The following CELF1 variants were observed in gnomAD, a reference collection of about 807,000 sequenced individuals.
CELF1 encodes CUGBP Elav-like family member 1.
A neutral mutation model predicts 61.8 loss-of-function variants in CELF1; 10 were observed. The observed-to-expected ratio is 0.16, with a 90% CI of 0.10 to 0.27. CELF1 has a LOEUF of 0.27. Among genes scored for constraint, CELF1 ranks in the 10% least tolerant of loss-of-function variants. The pLI is 1.00. For missense variants in CELF1, 380 were observed against 639.1 expected (o/e 0.59, Z 4.37); for synonymous variants, 236 against 225.1 (o/e 1.05, Z -0.43).
intron 1 of CELF1, among the ~76,000 whole-genome samples, chr11:47,514,602 T>C (rs538586118): frequency 7.6e-5 from 11 of 145,018 alleles, no homozygotes; most frequent in Non-Finnish European, 1.5e-4. Flanking sequence ...ATGCCTGTAA[T>C]CCCAGCACTT....
chr11:47,473,677 C>G (rs973571060), intron 13 of CELF1, among the ~76,000 whole-genome samples: 2 of 152,088 alleles, frequency 1.3e-5, no homozygotes, highest in Non-Finnish European at 2.9e-5. Context: ...CAAAGGGGCA[C>G]GAGGGAATTT....
chr11:47,560,731 T>C (rs889472142), intron 2 of CELF1, among the ~76,000 whole-genome samples: 4 of 152,236 alleles, frequency 2.6e-5, no homozygotes, highest in Admixed American at 2.6e-4. Flanking sequence ...ATATGCATTA[T>C]ACCTCAATAA....
chr11:47,472,051 G>A lies in CELF1; in HGVS notation c.*179C>T, dbSNP rs1220151799. On this transcript the variant is annotated 3_prime_UTR_variant, in exon 15 of 15. Transcript: ENST00000687097. ...CAAAGCACAAACTTGTCCTCTGTAC[G>A]AAGCGAAACTCCCACAGAAGGCAGT... 5.9e-6 allele frequency: 4 copies of A among 678,524 alleles called. No individual in the cohort carries two copies. Among genetic ancestry groups the A allele is most frequent in the South Asian group, 4.4e-5 (2 of 45,968 alleles). 42.0% of individuals were successfully genotyped at this position (678,524 alleles called of 1,614,324 possible).
At chr11:47,483,375 T>C in intron 8 of CELF1, 78 bp downstream of exon 8, 2 of 1,095,866 alleles carry the variant, frequency 1.8e-6, no homozygotes, top group South Asian at 1.3e-5. Flanking sequence ...ATGCTGCACA[T>C]GCTGCTGGAC....
intron 1 of CELF1, among the ~76,000 whole-genome samples, chr11:47,520,466 T>C (rs981357501): frequency 6.6e-6 from 1 of 152,202 alleles, no homozygotes; most frequent in African/African-American, 2.4e-5. Flanking sequence ...TACCTTCCCA[T>C]GCTCCCCTTG....
In CELF1 at chr11:47,505,084, CT is replaced by C. The variant is rs1369454826; in HGVS notation, c.-153-4153del. The stretch of plus-strand genomic sequence containing the variant: ...ACGAAAAAGTTTTCCATTTCCTCCC[CT>C]ATCCTTAATCACAGAAAGACTCTGT... On this transcript the variant is annotated intron_variant, in intron 1 of 14. Transcript: ENST00000687097. Among the ~76,000 whole-genome samples, 3 of 151,024 alleles carry C rather than the reference CT, an allele frequency of 2.0e-5. 1 individual carries two copies. Among genetic ancestry groups the C allele is most frequent in the Non-Finnish European group, 4.4e-5 (3 of 67,518 alleles).
intron 2 of CELF1, among the ~76,000 whole-genome samples, chr11:47,561,443 A>AG (rs1352618544): frequency 1.5e-4 from 1 of 6,526 alleles, no homozygotes; most frequent in Non-Finnish European, 1.5e-3. Flanking sequence ...ACTCCGTCTC[A>AG]AAAAAAAAAA....
Position 47,468,856 on chromosome 11 carries a change from A to G in CELF1, c.*3374T>C, listed in dbSNP as rs2077094528. On this transcript the variant is annotated 3_prime_UTR_variant, in exon 15 of 15. Transcript: ENST00000687097. ...ACGATGTACTTGACGCCACATCGAC[A>G]TGCTTTAGGCACAACGATGAACAAA... The G allele has an allele frequency of 6.6e-6, 1 of 152,588 alleles. No homozygotes were observed. Among genetic ancestry groups the G allele is most frequent in the African/African-American group, 2.4e-5 (1 of 41,432 alleles). 9.5% of individuals were successfully genotyped at this position (152,588 alleles called of 1,614,324 possible).
rs575641108 is a variant in CELF1 at position 47,553,102 on chromosome 11, C to CGCCGCT, written c.-270_-265dup. 3.6e-3 allele frequency: 1,452 copies of CGCCGCT among 398,620 alleles called. 2 individuals are homozygous for CGCCGCT. The highest frequency in any genetic ancestry group is 8.2e-3 in the Middle Eastern group (13 of 1,592). 24.7% of individuals were successfully genotyped at this position (398,620 alleles called of 1,614,324 possible). On this transcript the variant is annotated 5_prime_UTR_variant, in exon 1 of 15. Transcript: ENST00000687097. The stretch of plus-strand genomic sequence containing the variant: ...TCCCGGGGGAGCCTCCGCGTCCCGC[C>CGCCGCT]GCCGCTGCCGCTGCCGCCAGAGCAG...
intron 1 of CELF1, among the ~76,000 whole-genome samples, chr11:47,506,532 T>C (rs777943046): frequency 2.0e-5 from 3 of 152,202 alleles, no homozygotes; most frequent in Non-Finnish European, 2.9e-5. Flanking sequence ...AGGCTGCGGG[T>C]TGGACAAGTC....
intron 2 of CELF1, among the ~76,000 whole-genome samples, chr11:47,500,268 C>G: frequency 6.6e-6 from 1 of 151,754 alleles, no homozygotes; most frequent in South Asian, 2.1e-4. Flanking sequence ...GATGTGCTAT[C>G]TAATGGTTAG....
rs566693824 is a variant in CELF1 at position 47,471,206 on chromosome 11, A to G, written c.*1024T>C. The G allele has an allele frequency of 6.6e-6, 1 of 152,310 alleles. No homozygotes were observed. The highest frequency in any genetic ancestry group is 2.1e-4 in the South Asian group (1 of 4,816). 9.4% of individuals were successfully genotyped at this position (152,310 alleles called of 1,614,324 possible). On this transcript the variant is annotated 3_prime_UTR_variant, in exon 15 of 15. Coordinates refer to ENST00000687097, the MANE Select transcript of CELF1 (RefSeq NM_001376376.1). ...GCTCCTCCTCCCCCAACTAGATGGT[A>G]TTGATCACTCTGCCCACAAATGGTA...
At chr11:47,501,652 TA>T (rs1162043428) in intron 1 of CELF1, among the ~76,000 whole-genome samples, 1 of 150,848 alleles carries the variant, frequency 6.6e-6, no homozygotes, top group South Asian at 2.1e-4. Flanking sequence ...CCATCTCTAC[TA>T]AAAAATATCA....
chr11:47,532,704 G>A (rs2096519353), intron 1 of CELF1, among the ~76,000 whole-genome samples: 1 of 152,102 alleles, frequency 6.6e-6, no homozygotes, highest in Admixed American at 6.6e-5. Flanking sequence ...AAAATGATAG[G>A]ATTAAAGAAG....
At chr11:47,541,762 G>GA (rs1476953599) in intron 1 of CELF1, among the ~76,000 whole-genome samples, 2 of 8,858 alleles carry the variant, frequency 2.3e-4, no homozygotes, top group African/African-American at 6.0e-4. Flanking sequence ...AAGAACGAAA[G>GA]AAAGAACGAA....
At chr11:47,549,354 G>A (rs2097072816) in intron 1 of CELF1, among the ~76,000 whole-genome samples, 1 of 152,134 alleles carries the variant, frequency 6.6e-6, no homozygotes, top group African/African-American at 2.4e-5. Context: ...TCCAGAGGCT[G>A]GAATACCTAT....
At chr11:47,479,116 A>T (rs545817340) in intron 9 of CELF1, among the ~76,000 whole-genome samples, 164 bp from the exon 10 acceptor site, 2 of 152,080 alleles carry the variant, frequency 1.3e-5, no homozygotes, top group Admixed American at 1.3e-4. Context: ...GGCTTATGAC[A>T]GCACAGGACA....
intron 3 of CELF1, among the ~76,000 whole-genome samples, chr11:47,490,430 T>C (rs938119262): frequency 6.6e-6 from 1 of 151,278 alleles, no homozygotes; most frequent in East Asian, 1.9e-4. Context: ...TGCTAGTTTT[T>C]TTTTTTTTTT....
intron 1 of CELF1, among the ~76,000 whole-genome samples, chr11:47,510,725 G>A (rs1302094367): frequency 6.6e-6 from 1 of 152,056 alleles, no homozygotes; most frequent in Non-Finnish European, 1.5e-5. Context: ...GGGCTCAAGC[G>A]ATCCACCCCC....
Sources: gnomAD v4.1 joint callset for allele counts (sites outside exome capture counted in the v4.1 genomes callset) on GRCh38, gnomAD v4.1.1 for gene constraint, MANE v1.5 for transcripts, NCBI Gene and HGNC (gene_info 2026-07-23, HGNC 2026-07-21) for gene names.